The following JAZF1 variants were observed in gnomAD, a reference collection of about 807,000 sequenced individuals.
JAZF1 encodes juxtaposed with another zinc finger protein 1.
A neutral mutation model predicts 26.4 loss-of-function variants in JAZF1; 8 were observed. The ratio of observed to expected loss-of-function variants is 0.30; its 90% CI spans 0.18 to 0.55. The LOEUF is 0.55. JAZF1 is among the 20% of genes least tolerant of loss of function. The pLI, the probability that JAZF1 is intolerant of heterozygous loss-of-function variation, is 0.94. For synonymous variants in JAZF1, 126 were observed against 122.3 expected, an observed-to-expected ratio of 1.03 and a Z score of -0.20; for missense variants, 199 against 322.0, an observed-to-expected ratio of 0.62 and a Z score of 2.92.
chr7:28,167,090 T>A lies in JAZF1; in HGVS notation c.115+13373A>T, dbSNP rs143855166. On this transcript the variant is annotated intron_variant, in intron 1 of 4. Transcript: ENST00000283928. ...TTCCTGATCTCCAGGCCCTTCATAG[T>A]CATGTTTCTACTTAATCCTCATAAC... is the stretch of plus-strand genomic sequence containing the variant. Among the ~76,000 whole-genome samples the A allele has an allele frequency of 4.8e-3, 730 of 152,282 alleles. 7 individuals are homozygous for A. The highest frequency in any genetic ancestry group is 0.017 in the African/African-American group (701 of 41,538).
At chr7:28,157,482 T>C (rs1783205938) in intron 1 of JAZF1, among the ~76,000 whole-genome samples, 1 of 152,234 alleles carries the variant, frequency 6.6e-6, no homozygotes, top group African/African-American at 2.4e-5. Flanking sequence ...AAATCTGAGT[T>C]GCAAATAATT....
At chr7:27,948,945 C>T (rs1458316969) in intron 2 of JAZF1, among the ~76,000 whole-genome samples, 5 of 152,196 alleles carry the variant, frequency 3.3e-5, no homozygotes, top group African/African-American at 1.2e-4. Context: ...CATCCATTTT[C>T]TGAACACCCA....
At chr7:28,004,264 T>C (rs1782661687) in intron 1 of JAZF1, among the ~76,000 whole-genome samples, 1 of 152,182 alleles carries the variant, frequency 6.6e-6, no homozygotes, top group South Asian at 2.1e-4. Flanking sequence ...ACACCCATGC[T>C]ACAGGCTTAA....
At chr7:28,019,072 A>T (rs910196333) in intron 1 of JAZF1, among the ~76,000 whole-genome samples, 2 of 152,178 alleles carry the variant, frequency 1.3e-5, no homozygotes, top group African/African-American at 4.8e-5. Flanking sequence ...TCAAATGTTC[A>T]GTCATCCTTG....
intron 1 of JAZF1, among the ~76,000 whole-genome samples, chr7:28,097,297 T>C (rs1027702516): frequency 6.6e-6 from 1 of 152,240 alleles, no homozygotes; most frequent in African/African-American, 2.4e-5. Context: ...TACAGACTTT[T>C]TTTTTAAATT....
At chr7:28,143,172 T>A (rs1159194116) in intron 1 of JAZF1, among the ~76,000 whole-genome samples, 1 of 152,166 alleles carries the variant, frequency 6.6e-6, no homozygotes, top group Non-Finnish European at 1.5e-5. Context: ...ACTCAAACAC[T>A]TCTACTTCCA....
At chr7:27,974,676 T>C (rs1785436783) in intron 2 of JAZF1, among the ~76,000 whole-genome samples, 1 of 152,158 alleles carries the variant, frequency 6.6e-6, no homozygotes, top group Non-Finnish European at 1.5e-5. Flanking sequence ...CTGGAGATGA[T>C]GAGTGGGCAA....
intron 1 of JAZF1, among the ~76,000 whole-genome samples, chr7:28,038,929 C>A (rs1783342106): frequency 6.6e-6 from 1 of 152,116 alleles, no homozygotes; most frequent in Non-Finnish European, 1.5e-5. Flanking sequence ...TTTATCTCTA[C>A]CTCAAATTCT....
chr7:28,092,781 G>C lies in JAZF1; in HGVS notation c.115+87682C>G, dbSNP rs113201495. Among the ~76,000 whole-genome samples, 1,035 of 151,840 alleles carry C rather than the reference G, an allele frequency of 6.8e-3. 12 individuals are homozygous for C. Among genetic ancestry groups the C allele is most frequent in the African/African-American group, 0.024 (992 of 41,374 alleles). ...AGGCTGAGGTGGGAGGATCACCTGG[G>C]CCTGGGAAGATCGAGGCTGCAGTGA... On this transcript the variant is annotated intron_variant, in intron 1 of 4. Transcript: ENST00000283928.
At chr7:28,081,384 A>G (rs1784134381) in intron 1 of JAZF1, among the ~76,000 whole-genome samples, 1 of 152,208 alleles carries the variant, frequency 6.6e-6, no homozygotes, top group Non-Finnish European at 1.5e-5. Context: ...GTGCCTGCAG[A>G]GGGGAGCAAG....
At chr7:27,979,517 C>T (rs73089188) in intron 2 of JAZF1, among the ~76,000 whole-genome samples, 35,028 of 150,952 alleles carry the variant, frequency 0.23, 4,454 homozygotes, top group East Asian at 0.49. Context: ...GCCTCCAAAA[C>T]AGTTGAGATT....
intron 3 of JAZF1, among the ~76,000 whole-genome samples, chr7:27,888,983 C>T (rs746661127): frequency 6.6e-6 from 1 of 152,130 alleles, no homozygotes; most frequent in Non-Finnish European, 1.5e-5. Context: ...TGGATTCATC[C>T]CGGAGGTCAA....
chr7:27,942,048 C>T (rs7778340), intron 2 of JAZF1, among the ~76,000 whole-genome samples: 145,308 of 152,324 alleles, frequency 0.95, 69,406 homozygotes, highest in East Asian at 1. Context: ...TTTCACCTCA[C>T]TGGGGGCTGG....
intron 3 of JAZF1, among the ~76,000 whole-genome samples, chr7:27,849,837 C>T (rs1316833440): frequency 2.6e-5 from 4 of 151,124 alleles, no homozygotes; most frequent in Admixed American, 2.0e-4. Flanking sequence ...GGGGCCCCGC[C>T]GGGTGCTTCT....
chr7:27,998,306 C>A (rs1431530931), intron 1 of JAZF1, among the ~76,000 whole-genome samples: 1 of 152,254 alleles, frequency 6.6e-6, no homozygotes, highest in Non-Finnish European at 1.5e-5. Flanking sequence ...TATAGATAAT[C>A]TTTTTTATAC....
intron 1 of JAZF1, among the ~76,000 whole-genome samples, chr7:28,015,343 C>T (rs1362748110): frequency 5.9e-5 from 9 of 151,968 alleles, no homozygotes; most frequent in East Asian, 3.9e-4. Context: ...TAGGGGAAAA[C>T]GAAGAAATCT....
At chr7:28,088,272 AC>A (rs1409771375) in intron 1 of JAZF1, among the ~76,000 whole-genome samples, 1 of 152,248 alleles carries the variant, frequency 6.6e-6, no homozygotes, top group East Asian at 1.9e-4. Flanking sequence ...TGCAACTTCT[AC>A]ATTTTTCTGC....
At chr7:27,849,212 C>T (rs1299625801) in intron 3 of JAZF1, among the ~76,000 whole-genome samples, 2 of 152,168 alleles carry the variant, frequency 1.3e-5, no homozygotes, top group Non-Finnish European at 2.9e-5. Context: ...GAACACAACG[C>T]ATGGAGTCGC....
chr7:28,049,018 T>TCCCC (rs1783544577), intron 1 of JAZF1, among the ~76,000 whole-genome samples: 1 of 59,890 alleles, frequency 1.7e-5, no homozygotes, highest in Non-Finnish European at 3.2e-5. Flanking sequence ...CCTCCCTCCC[T>TCCCC]CCCTTCCCTT....
Sources: allele counts gnomAD v4.1 joint callset (sites outside exome capture counted in the v4.1 genomes callset), GRCh38; gene constraint gnomAD v4.1.1; transcripts MANE v1.5; gene names NCBI Gene and HGNC (gene_info 2026-07-23, HGNC 2026-07-21).